The following CRACD variants were observed in gnomAD, a reference collection of about 807,000 sequenced individuals.
The protein encoded by CRACD is capping protein inhibiting regulator of actin dynamics.
In CRACD, 56 loss-of-function variants were observed where a neutral mutation model predicts 106.8. The ratio of observed to expected loss-of-function variants is 0.52; its 90% CI spans 0.42 to 0.66. The LOEUF is 0.66. Ranked by LOEUF, CRACD falls within the 30% of genes least tolerant of loss-of-function variation. The pLI, the probability that CRACD is intolerant of heterozygous loss-of-function variation, is 0.00. For missense variants in CRACD, 1,730 were observed against 1,623.2 expected (o/e 1.07, Z -1.13); for synonymous variants, 754 against 670.8 (o/e 1.12, Z -1.92).
chr4:56,259,960 A>G (rs1256053781), intron 2 of CRACD, among the ~76,000 whole-genome samples: 1 of 152,202 alleles, frequency 6.6e-6, no homozygotes, highest in East Asian at 1.9e-4. Context: ...ATTGAGGATG[A>G]CTAATGGCCC....
intron 1 of CRACD, among the ~76,000 whole-genome samples, chr4:56,088,655 T>C (rs1383095008): frequency 6.6e-6 from 1 of 152,242 alleles, no homozygotes; most frequent in Non-Finnish European, 1.5e-5. Flanking sequence ...ACTTACTGCC[T>C]CTAAGGCTCT....
At position 56,314,567 on chromosome 4, in the gene CRACD, G is replaced by A. The variant is rs1461852055; in HGVS notation, c.1065G>A (p.Ala355=). 4.0e-6 allele frequency: 6 copies of A among 1,514,516 alleles called. No individual in the cohort carries two copies. The highest frequency in any genetic ancestry group is 3.5e-6 in the Non-Finnish European group (4 of 1,133,578). 93.8% of individuals were successfully genotyped at this position (1,514,516 alleles called of 1,614,324 possible). The stretch of plus-strand genomic sequence containing the variant: ...AGGAGGAGGAGGAAGGAAGATGCGC[G>A]GAGGAGCTCAAAAGGCAGGAGGAGG... ...RRQEEEEGRC[A]EELKRQEEEE... is the part of the protein sequence containing the mutation. Residue 355 remains alanine, a synonymous_variant, in exon 8 of 11, where the codon GCG becomes GCA. Coordinates refer to ENST00000682029, the MANE Select transcript of CRACD (RefSeq NM_001393381.1). The surrounding 1 kb of genome is among the most constrained non-coding windows in gnomAD (Gnocchi z 4.4).
intron 3 of CRACD, among the ~76,000 whole-genome samples, chr4:56,282,670 CT>C (rs962130134): frequency 6.6e-5 from 10 of 152,132 alleles, no homozygotes; most frequent in Non-Finnish European, 1.0e-4. Context: ...AGGGAGTGGC[CT>C]TTTGTCCTCA....
At chr4:56,222,162 G>T (rs1301538371) in intron 2 of CRACD, among the ~76,000 whole-genome samples, 1 of 152,112 alleles carries the variant, frequency 6.6e-6, no homozygotes. Context: ...ACCAATGAAT[G>T]GATAAAGAAA....
At chr4:56,134,018 T>C (rs1439165007) in intron 1 of CRACD, among the ~76,000 whole-genome samples, 7 of 151,906 alleles carry the variant, frequency 4.6e-5, no homozygotes, top group Admixed American at 4.6e-4. Context: ...TTGGGCAACA[T>C]GGCAAAACCC....
chr4:56,315,589 A>T lies in CRACD; in HGVS notation c.2087A>T (p.Glu696Val). The change falls in exon 8 of 11, where the codon GAG (glutamate) becomes GTG (valine). Residue 696 changes from glutamate to valine, a missense_variant. Transcript: ENST00000682029. This position sits in a 1 kb window ranked among gnomAD's most constrained non-coding sequence, Gnocchi z 4.1. ...AGGGACCAGTTGAGGCCCGGTGATG[A>T]GTCCACTCCCAGGGGCCGGTGTGAT... ...SERDQLRPGD[E>V]STPRGRCDSR... 1 of 1,614,146 alleles carries T rather than the reference A, an allele frequency of 6.2e-7. No individual in the cohort carries two copies. Among genetic ancestry groups the T allele is most frequent in the Admixed American group, 1.7e-5 (1 of 60,026 alleles).
chr4:56,162,758 T>C (rs1364828223), intron 1 of CRACD, among the ~76,000 whole-genome samples: 1 of 152,210 alleles, frequency 6.6e-6, no homozygotes, highest in African/African-American at 2.4e-5. Context: ...ATCCCACCTG[T>C]CAAGGAGTTC....
At position 56,315,317 on chromosome 4, in the gene CRACD, C is replaced by G. The variant is rs1451258777; in HGVS notation, c.1815C>G (p.Gly605=). ...AILVTGAQLC[G]PAVNLSQIKD... ...TGGTCACGGGCGCGCAGCTCTGTGG[C>G]CCGGCAGTCAACCTGAGCCAGATCA... The change falls in exon 8 of 11, where the codon GGC becomes GGG. Residue 605 remains glycine, a synonymous_variant. Transcript: ENST00000682029. The surrounding 1 kb of genome is among the most constrained non-coding windows in gnomAD (Gnocchi z 4.1). 1.9e-6 allele frequency: 3 copies of G among 1,613,884 alleles called. 1 individual carries two copies. In the South Asian group the frequency reaches 3.3e-5, roughly 18 times the overall value.
At chr4:56,061,776 G>C (rs1732287511) in intron 1 of CRACD, among the ~76,000 whole-genome samples, 1 of 152,164 alleles carries the variant, frequency 6.6e-6, no homozygotes, top group Non-Finnish European at 1.5e-5. Context: ...GTAGCCCAGA[G>C]TGCTTTGAAT....
rs59270238 is a variant in CRACD, at chr4:56,284,292, TAAAAAAAAAAAA to T, written c.-17+11815_-17+11826del. On this transcript the variant is annotated intron_variant, in intron 3 of 10. Transcript: ENST00000682029. ...AACATAGTAAGAACCCATCCTAAAG[TAAAAAAAAAAAA>T]AAAAAAAAAAAAAATTGCTGACAAA... Among the ~76,000 whole-genome samples, 10 of 45,474 alleles carry T rather than the reference TAAAAAAAAAAAA, an allele frequency of 2.2e-4. No homozygotes were observed. The East Asian group carries it at 0.011, about 49-fold the overall frequency. 29.8% of individuals were successfully genotyped at this position (45,474 alleles called of 152,430 possible). A position where few individuals can be genotyped will look rare whatever the true frequency, so the allele number is the denominator to read the frequency against.
At chr4:56,113,069 T>G (rs1468124989) in intron 1 of CRACD, among the ~76,000 whole-genome samples, 3 of 152,238 alleles carry the variant, frequency 2.0e-5, no homozygotes, top group African/African-American at 7.2e-5. Flanking sequence ...ACCACTGTAC[T>G]GAGGTCAGTG....
intron 2 of CRACD, among the ~76,000 whole-genome samples, chr4:56,225,662 C>G (rs1192715833): frequency 6.6e-6 from 1 of 152,126 alleles, no homozygotes; most frequent in Non-Finnish European, 1.5e-5. Context: ...AATCATACAG[C>G]TTAATTACTA....
rs142434095 is a variant in CRACD at position 56,140,192 on chromosome 4, C to T, written c.-335-39092C>T. ...TCCCTGCATCCACAGTGACTCTCCA[C>T]GGTTCACTTCAACTGAGATGTTGAA... On this transcript the variant is annotated intron_variant, in intron 1 of 10. Transcript: ENST00000682029. 6.6e-4 allele frequency among the ~76,000 whole-genome samples: 101 copies of T among 152,328 alleles called. 2 individuals are homozygous for T. The highest frequency in any genetic ancestry group is 3.8e-3 in the Admixed American group (58 of 15,292).
intron 3 of CRACD, among the ~76,000 whole-genome samples, chr4:56,293,953 G>T (rs988932680): frequency 2.1e-5 from 3 of 144,252 alleles, no homozygotes; most frequent in African/African-American, 7.6e-5. Flanking sequence ...GTGTTCAGGT[G>T]TGGTGGCTTA....
At chr4:56,273,331 TCCTCCCTCCCTACGTCCCTC>T (rs1560512318) in intron 3 of CRACD, among the ~76,000 whole-genome samples, 2 of 150,680 alleles carry the variant, frequency 1.3e-5, no homozygotes, top group African/African-American at 4.9e-5. Flanking sequence ...CTTCCTTCCT[TCCTCCCTCCCTACGTCCCTC>T]CCTCCCTCCC....
chr4:56,319,193 GC>G, intron 8 of CRACD, among the ~76,000 whole-genome samples: 1 of 152,050 alleles, frequency 6.6e-6, no homozygotes, highest in Non-Finnish European at 1.5e-5. Context: ...ACCACATGCA[GC>G]CCCACATAGC....
intron 1 of CRACD, among the ~76,000 whole-genome samples, chr4:56,165,967 C>A (rs1000148658): frequency 1.3e-5 from 2 of 152,068 alleles, no homozygotes; most frequent in Non-Finnish European, 2.9e-5. Flanking sequence ...CTTAAGCAGT[C>A]GTCATTTCTC....
chr4:56,153,538 A>G (rs1172866037), intron 1 of CRACD, among the ~76,000 whole-genome samples: 2 of 151,916 alleles, frequency 1.3e-5, no homozygotes, highest in Non-Finnish European at 2.9e-5. Flanking sequence ...TGTTTCTCCC[A>G]GTAGGCTCTT....
intron 2 of CRACD, among the ~76,000 whole-genome samples, chr4:56,255,323 C>T (rs1038679068): frequency 6.6e-6 from 1 of 152,098 alleles, no homozygotes; most frequent in Non-Finnish European, 1.5e-5. Context: ...CTCTCCTCAA[C>T]AATCCTCAAT....
Sources: allele counts gnomAD v4.1 joint callset (sites outside exome capture counted in the v4.1 genomes callset), GRCh38; gene constraint gnomAD v4.1.1; non-coding constraint Gnocchi (gnomAD v3.1); transcripts MANE v1.5; gene names NCBI Gene and HGNC (gene_info 2026-07-23, HGNC 2026-07-21).